Variants in DPP10 observed in about 807,000 individuals in gnomAD.
The protein encoded by DPP10 is inactive dipeptidyl peptidase 10.
DPP10 carries 33 observed loss-of-function variants against 120.9 expected under a neutral mutation model. The observed-to-expected ratio is 0.27, with a 90% CI of 0.21 to 0.37. DPP10 has a LOEUF of 0.37. Ranked by LOEUF, DPP10 falls within the 10% of genes least tolerant of loss-of-function variation. The probability of loss-of-function intolerance (pLI) is 1.00; values close to 1 mark genes in which losing one functional copy is unlikely to be tolerated. For missense variants in DPP10, 816 were observed against 942.8 expected, an observed-to-expected ratio of 0.87 and a Z score of 1.76; for synonymous variants, 337 against 326.1, an observed-to-expected ratio of 1.03 and a Z score of -0.36.
intron 1 of DPP10, among the ~76,000 whole-genome samples, chr2:114,661,072 G>A (rs1221552108): frequency 6.6e-6 from 1 of 152,092 alleles, no homozygotes; most frequent in Non-Finnish European, 1.5e-5. Flanking sequence ...TAAATGCAGT[G>A]GTTGTAGATT....
At chr2:115,836,115 GTGAGATAT>G (rs1490907853) in intron 21 of DPP10, 34 bp from the exon 22 acceptor site, 1 of 919,814 alleles carries the variant, frequency 1.1e-6, no homozygotes. Context: ...GTGTGTGTGT[GTGAGATAT>G]ATATATATAT....
chr2:115,377,254 T>C (rs1301055011), intron 3 of DPP10, among the ~76,000 whole-genome samples: 4 of 150,902 alleles, frequency 2.7e-5, no homozygotes, highest in Admixed American at 2.0e-4. Flanking sequence ...CTAACTGGTG[T>C]GAGATGGTAT....
intron 16 of DPP10, among the ~76,000 whole-genome samples, 175 bp downstream of exon 16, chr2:115,781,170 G>A (rs1462994741): frequency 6.6e-6 from 1 of 151,488 alleles, no homozygotes; most frequent in African/African-American, 2.4e-5. Context: ...TACATATTTT[G>A]TATAGAAATA....
At chr2:115,179,297 G>T (rs2053917331) in intron 1 of DPP10, among the ~76,000 whole-genome samples, 1 of 151,978 alleles carries the variant, frequency 6.6e-6, no homozygotes, top group African/African-American at 2.4e-5. Context: ...TATATTCCTG[G>T]ATGTTTGAAT....
chr2:114,486,269 C>T (rs1037339517), intron 1 of DPP10, among the ~76,000 whole-genome samples: 1 of 151,708 alleles, frequency 6.6e-6, no homozygotes, highest in Non-Finnish European at 1.5e-5. Flanking sequence ...CTTTTCATAT[C>T]ATTTGGGGAC....
At chr2:115,556,987 A>G (rs1280539020) in intron 5 of DPP10, among the ~76,000 whole-genome samples, 1 of 152,202 alleles carries the variant, frequency 6.6e-6, no homozygotes, top group African/African-American at 2.4e-5. Flanking sequence ...CAAGATTTGA[A>G]CAATAATTTT....
intron 1 of DPP10, among the ~76,000 whole-genome samples, chr2:115,126,533 G>T (rs2104763393): frequency 6.6e-6 from 1 of 152,304 alleles, no homozygotes; most frequent in Non-Finnish European, 1.5e-5. Context: ...ATAGATAAAA[G>T]AAGAGTATCA....
chr2:115,391,587 T>G (rs532193995), intron 3 of DPP10, among the ~76,000 whole-genome samples: 2 of 152,108 alleles, frequency 1.3e-5, no homozygotes, highest in Admixed American at 6.6e-5. Context: ...GTTTCCAAAT[T>G]TATACATCTG....
At chr2:114,621,011 A>G (rs761991982) in intron 1 of DPP10, among the ~76,000 whole-genome samples, 7 of 152,110 alleles carry the variant, frequency 4.6e-5, no homozygotes, top group African/African-American at 7.2e-5. Flanking sequence ...GATCCTAAGA[A>G]AAGCCCAGCC....
chr2:114,651,617 G>C (rs1696589036), intron 1 of DPP10, among the ~76,000 whole-genome samples: 1 of 152,116 alleles, frequency 6.6e-6, no homozygotes, highest in African/African-American at 2.4e-5. Flanking sequence ...CTGGTTGCAT[G>C]TTAAAATCTC....
chr2:115,652,409 ATGTGTGTGTGTGTG>A (rs71394158), intron 5 of DPP10, among the ~76,000 whole-genome samples: 2 of 145,486 alleles, frequency 1.4e-5, no homozygotes, highest in Non-Finnish European at 3.0e-5. Flanking sequence ...TAGGATATAT[ATGTGTGTGTGTGTG>A]TGTGTGTGTG....
intron 1 of DPP10, among the ~76,000 whole-genome samples, chr2:114,498,164 T>A (rs1012659197): frequency 6.6e-6 from 1 of 152,206 alleles, no homozygotes; most frequent in Non-Finnish European, 1.5e-5. Flanking sequence ...TACCTATCAT[T>A]TTTTATGGTA....
chr2:114,944,040 A>G (rs892387605), intron 1 of DPP10, among the ~76,000 whole-genome samples: 6 of 152,140 alleles, frequency 3.9e-5, no homozygotes, highest in African/African-American at 1.2e-4. Flanking sequence ...TCATAATATA[A>G]TTCTATGTTA....
At chr2:115,427,390 T>C (rs2070577856) in intron 3 of DPP10, among the ~76,000 whole-genome samples, 1 of 152,224 alleles carries the variant, frequency 6.6e-6, no homozygotes, top group Admixed American at 6.5e-5. Context: ...TCTCATACTT[T>C]CTTTGAAATC....
intron 1 of DPP10, among the ~76,000 whole-genome samples, chr2:115,000,724 G>A (rs1701385272): frequency 6.6e-6 from 1 of 151,986 alleles, no homozygotes. Context: ...TCTTTGGTGG[G>A]TATTTAAGCA....
At chr2:115,163,834 G>GAAGCA (rs1351365025) in intron 1 of DPP10, among the ~76,000 whole-genome samples, 1 of 151,936 alleles carries the variant, frequency 6.6e-6, no homozygotes, top group Admixed American at 6.5e-5. Flanking sequence ...GTGGGATGCA[G>GAAGCA]AAGCAGAGCA....
Position 114,872,554 on chromosome 2 carries a change from A to C in DPP10, c.60+429716A>C, listed in dbSNP as rs577881206. Among the ~76,000 whole-genome samples, 8 of 152,322 alleles carry C rather than the reference A, an allele frequency of 5.3e-5. No individual in the cohort carries two copies. The South Asian group carries it at 1.7e-3, about 32-fold the overall frequency. The stretch of plus-strand genomic sequence containing the variant: ...CCCTGGTGGCAGGCTTTATAGTGCC[A>C]AGTGAGTTCAGGTACTTCAATTGTA... On this transcript the variant is annotated intron_variant, in intron 1 of 25. Coordinates refer to ENST00000410059, the MANE Select transcript of DPP10 (RefSeq NM_020868.6).
intron 3 of DPP10, among the ~76,000 whole-genome samples, chr2:115,391,373 A>G (rs1396222211): frequency 1.3e-5 from 2 of 152,138 alleles, no homozygotes; most frequent in Non-Finnish European, 2.9e-5. Flanking sequence ...AGATCATTCT[A>G]TCTTATGGTA....
rs760287751 is a variant in DPP10, at chr2:114,922,964, C to A, written c.61-386275C>A. ...TCTGTTTAACAATATGAGGAACCAC[C>A]AACTCTATTCCAAATTGGCATCATT... On this transcript the variant is annotated intron_variant, in intron 1 of 25. Coordinates refer to ENST00000410059, the MANE Select transcript of DPP10 (RefSeq NM_020868.6). 8.9e-4 allele frequency among the ~76,000 whole-genome samples: 136 copies of A among 152,064 alleles called. 1 individual carries two copies. Among genetic ancestry groups the A allele is most frequent in the Non-Finnish European group, 2.4e-4 (16 of 68,010 alleles).
Sources: allele counts gnomAD v4.1 joint callset (sites outside exome capture counted in the v4.1 genomes callset), GRCh38; gene constraint gnomAD v4.1.1; transcripts MANE v1.5; gene names NCBI Gene and HGNC (gene_info 2026-07-23, HGNC 2026-07-21).